BRDT: variants seen among roughly 807,000 people sequenced by gnomAD.
The protein encoded by BRDT is bromodomain testis associated.
BRDT carries 77 observed loss-of-function variants against 113.9 expected under a neutral mutation model. The observed-to-expected ratio is 0.68, with a 90% CI of 0.56 to 0.82. The LOEUF (loss-of-function observed/expected upper bound fraction) is 0.82, where lower values mean the gene tolerates loss of function less well. Ranked by LOEUF, BRDT falls within the 40% of genes least tolerant of loss-of-function variation. The probability of loss-of-function intolerance (pLI) is 0.00; values close to 1 mark genes in which losing one functional copy is unlikely to be tolerated. For synonymous variants in BRDT, 358 were observed against 366.5 expected (o/e 0.98, Z 0.26); for missense variants, 1,027 against 1,105.4 (o/e 0.93, Z 1.01).
intron 12 of BRDT, among the ~76,000 whole-genome samples, chr1:91,989,912 T>C (rs1024014435): frequency 3.3e-5 from 5 of 152,172 alleles, no homozygotes; most frequent in African/African-American, 1.2e-4. Flanking sequence ...ACACATCCAG[T>C]GGAAACTGAT....
At chr1:92,001,177 A>G (rs1429312447) in intron 15 of BRDT, among the ~76,000 whole-genome samples, 1 of 152,128 alleles carries the variant, frequency 6.6e-6, no homozygotes, top group Non-Finnish European at 1.5e-5. Context: ...GTGAGATAGA[A>G]TTACCAGGAT....
chr1:91,962,428 G>T (rs368175951), intron 1 of BRDT, among the ~76,000 whole-genome samples: 2 of 151,900 alleles, frequency 1.3e-5, no homozygotes, highest in African/African-American at 4.8e-5. Context: ...CTGCCTCCCG[G>T]ATTTAAGGGA....
rs753146796 is a variant in BRDT, at chr1:91,962,844, T to A, written c.90T>A (p.Asn30Lys). 1 of 1,612,736 alleles carries A rather than the reference T, an allele frequency of 6.2e-7. No individual in the cohort carries two copies. Among genetic ancestry groups the A allele is most frequent in the African/African-American group, 1.3e-5 (1 of 74,860 alleles). Residue 30 changes from asparagine (N) to lysine (K), a missense_variant, in exon 2 of 19, where the codon AAT becomes AAA. Asn to Lys is a moderately conservative substitution (Grantham distance 94). Transcript: ENST00000399546. ...CTAAGAAAAATGGGCGATTGACAAATCAACTTCAGTATCTACAAAAAGTTG... is the reference window on the plus strand; with the variant it reads ...CTAAGAAAAATGGGCGATTGACAAAACAACTTCAGTATCTACAAAAAGTTG... ...INTKKNGRLT[N>K]QLQYLQKVVL... is the part of the protein sequence containing the mutation.
intron 12 of BRDT, among the ~76,000 whole-genome samples, chr1:91,985,703 G>A (rs1294959469): frequency 1.5e-5 from 2 of 133,600 alleles, no homozygotes; most frequent in Non-Finnish European, 3.1e-5. Flanking sequence ...CAGTGGCGCC[G>A]TCTGGGCTTA....
At chr1:91,977,769 T>G (rs7518447) in intron 6 of BRDT, among the ~76,000 whole-genome samples, 1 of 151,472 alleles carries the variant, frequency 6.6e-6, no homozygotes, top group African/African-American at 2.4e-5. Context: ...CTCCAGAGGC[T>G]GAGTCACGAG....
chr1:91,984,918 T>G (rs950627896), intron 12 of BRDT, among the ~76,000 whole-genome samples: 15 of 147,532 alleles, frequency 1.0e-4, no homozygotes, highest in African/African-American at 3.7e-4. Context: ...GGATTACAGG[T>G]CTGAGCCACC....
At chr1:91,977,756 C>G (rs2101654732) in intron 6 of BRDT, among the ~76,000 whole-genome samples, 1 of 151,240 alleles carries the variant, frequency 6.6e-6, no homozygotes, top group Non-Finnish European at 1.5e-5. Flanking sequence ...ATCGTTCCAG[C>G]TACTCCAGAG....
chr1:91,965,566 C>G (rs1285669988), intron 3 of BRDT, among the ~76,000 whole-genome samples: 1 of 152,024 alleles, frequency 6.6e-6, no homozygotes, highest in African/African-American at 2.4e-5. Context: ...CAGATATGTT[C>G]TGGCCGGGCA....
chr1:91,986,266 G>A (rs1367028433), intron 12 of BRDT, among the ~76,000 whole-genome samples: 1 of 152,018 alleles, frequency 6.6e-6, no homozygotes, highest in Non-Finnish European at 1.5e-5. Context: ...TACCTTGAGT[G>A]ATTTATAGGG....
At chr1:91,953,535 C>G (rs569713600) in intron 1 of BRDT, among the ~76,000 whole-genome samples, 4 of 152,192 alleles carry the variant, frequency 2.6e-5, no homozygotes, top group Admixed American at 1.3e-4. Context: ...CAAAAATTAG[C>G]CAGGTATGAT....
intron 4 of BRDT, among the ~76,000 whole-genome samples, chr1:91,971,217 C>T (rs1419208099): frequency 1.3e-5 from 2 of 152,020 alleles, no homozygotes; most frequent in Non-Finnish European, 2.9e-5. Context: ...AGGGATCCAC[C>T]CCTCATGACC....
intron 15 of BRDT, among the ~76,000 whole-genome samples, chr1:91,997,813 A>G (rs916060627): frequency 1.3e-5 from 2 of 152,234 alleles, no homozygotes; most frequent in Admixed American, 1.3e-4. Context: ...TGTAGGTGGC[A>G]CTATGCCCAA....
intron 1 of BRDT, 129 bp from the exon 2 acceptor site, chr1:91,962,589 C>T: frequency 2.2e-6 from 1 of 460,374 alleles, no homozygotes; most frequent in Non-Finnish European, 3.7e-6. Flanking sequence ...CCGCCTTGGC[C>T]TCCCAAAGTG....
intron 2 of BRDT, among the ~76,000 whole-genome samples, chr1:91,963,328 TAA>T (rs759633425): frequency 1.3e-5 from 2 of 151,904 alleles, no homozygotes; most frequent in Non-Finnish European, 2.9e-5. Context: ...AAATAAAAAA[TAA>T]AAAAAATTTA....
intron 4 of BRDT, among the ~76,000 whole-genome samples, chr1:91,972,530 A>G (rs948037313): frequency 6.6e-5 from 10 of 152,146 alleles, no homozygotes; most frequent in Non-Finnish European, 1.3e-4. Context: ...GTGCCCTAGC[A>G]CCTAAAATGG....
At chr1:91,967,812 C>T (rs1312279169) in intron 3 of BRDT, among the ~76,000 whole-genome samples, 2 of 152,154 alleles carry the variant, frequency 1.3e-5, no homozygotes, top group South Asian at 2.1e-4. Context: ...GGATTACAGG[C>T]GTGAGCCACC....
In BRDT at chr1:91,994,247, T is replaced by A. The variant is rs139381308; in HGVS notation, c.2280T>A (p.Pro760=). The change falls in exon 15 of 19, where the codon CCT becomes CCA. Residue 760 remains proline, a synonymous_variant. Coordinates refer to ENST00000399546, the MANE Select transcript of BRDT (RefSeq NM_207189.4). ...ACATTTCACCTTTACAAATTCTGCCTCCCTCAGGTAAGAAATTAACAAGTA... is the reference window on the plus strand; with the variant it reads ...ACATTTCACCTTTACAAATTCTGCCACCCTCAGGTAAGAAATTAACAAGTA... ...VKNISPLQIL[P]PSGDSEQLSN... The A allele has an allele frequency of 6.2e-7, 1 of 1,604,714 alleles. No individual in the cohort carries two copies. The highest frequency in any genetic ancestry group is 8.5e-7 in the Non-Finnish European group (1 of 1,175,430).
Position 91,994,151 on chromosome 1 carries a change from T to C in BRDT, c.2184T>C (p.His728=). The C allele has an allele frequency of 6.2e-7, 1 of 1,613,776 alleles. No homozygotes were observed. The highest frequency in any genetic ancestry group is 8.5e-7 in the Non-Finnish European group (1 of 1,179,792). The change falls in exon 15 of 19, where the codon CAT becomes CAC. Residue 728 remains histidine (H), a synonymous_variant. Coordinates refer to ENST00000399546, the MANE Select transcript of BRDT (RefSeq NM_207189.4). The stretch of plus-strand genomic sequence containing the variant: ...TTGTTCATCAGACCACACCTTCACA[T>C]GTAATGCCACCAAATCACCACCAAT... ...TTLVHQTTPS[H]VMPPNHHQLA...
intron 8 of BRDT, 66 bp downstream of exon 8, chr1:91,979,823 C>A: frequency 6.8e-7 from 1 of 1,476,818 alleles, no homozygotes; most frequent in East Asian, 2.3e-5. Context: ...GAAATTTTTT[C>A]TGCAGATTTA....
Sources: allele counts gnomAD v4.1 joint callset (sites outside exome capture counted in the v4.1 genomes callset), GRCh38; gene constraint gnomAD v4.1.1; transcripts MANE v1.5; gene names NCBI Gene and HGNC (gene_info 2026-07-23, HGNC 2026-07-21).